Variants in PHLPP2 observed in about 807,000 individuals in gnomAD.
PHLPP2 encodes the protein PH domain leucine-rich repeat-containing protein phosphatase 2.
PHLPP2 carries 66 observed loss-of-function variants against 124.9 expected under a neutral mutation model. That is an observed-to-expected ratio of 0.53 (90% CI 0.43 to 0.65). The LOEUF (loss-of-function observed/expected upper bound fraction) is 0.65, where lower values mean the gene tolerates loss of function less well. Among genes scored for constraint, PHLPP2 ranks in the 30% least tolerant of loss-of-function variants. The pLI is 0.00. For missense variants in PHLPP2, 1,685 were observed against 1,600.4 expected (o/e 1.05, Z -0.90); for synonymous variants, 681 against 624.7 (o/e 1.09, Z -1.34).
At chr16:71,698,588 G>C in intron 3 of PHLPP2, 1 of 626,400 alleles carries the variant, frequency 1.6e-6, no homozygotes, top group South Asian at 1.4e-5. Context: ...AGGTCCCTTA[G>C]AGCAACCCAT....
chr16:71,645,050 A>C lies in PHLPP2; in HGVS notation c.*3840T>G. 3.6e-6 allele frequency: 1 copy of C among 275,200 alleles called. No homozygotes were observed. The highest frequency in any genetic ancestry group is 7.1e-6 in the Non-Finnish European group (1 of 140,246). 17.0% of individuals were successfully genotyped at this position (275,200 alleles called of 1,614,324 possible). On this transcript the variant is annotated 3_prime_UTR_variant, in exon 19 of 19. Coordinates refer to ENST00000568954, the MANE Select transcript of PHLPP2 (RefSeq NM_015020.3). ...ATTATTGAATTAAAAAATTTAACAC[A>C]TTTCAAAAATATCAAAAATACACTA...
At chr16:71,656,383 C>T (rs1474692581) in intron 16 of PHLPP2, among the ~76,000 whole-genome samples, 188 bp downstream of exon 16, 5 of 152,202 alleles carry the variant, frequency 3.3e-5, no homozygotes, top group Non-Finnish European at 7.3e-5. Context: ...CTGTTGACTA[C>T]ACATTAGTAT....
chr16:71,711,529 G>C (rs964748559), intron 2 of PHLPP2, among the ~76,000 whole-genome samples: 1 of 152,168 alleles, frequency 6.6e-6, no homozygotes, highest in African/African-American at 2.4e-5. Context: ...TCAAACTCCA[G>C]CTCTACCACT....
chr16:71,706,618 A>G (rs1373530754), intron 2 of PHLPP2, among the ~76,000 whole-genome samples: 1 of 152,204 alleles, frequency 6.6e-6, no homozygotes. Context: ...GGATACTTCA[A>G]CAAATGTTTA....
chr16:71,664,005 G>A lies in PHLPP2; in HGVS notation c.1879C>T (p.Leu627=). Residue 627 remains leucine (L), a synonymous_variant, in exon 13 of 19, where the codon CTG becomes TTG. Transcript: ENST00000568954. ...ESLSMLQLLY[L]TNNLLTDQCI... ...TGATCCGTCAGGAGATTGTTGGTCA[G>A]ATAAAGCAGCTGCAGCATACTCAAA... 6.2e-7 allele frequency: 1 copy of A among 1,613,914 alleles called. No homozygotes were observed. Among genetic ancestry groups the A allele is most frequent in the South Asian group, 1.1e-5 (1 of 91,072 alleles).
In PHLPP2 at chr16:71,682,846, T is replaced by C. The variant is rs111322432; in HGVS notation, c.736-941A>G. On this transcript the variant is annotated intron_variant, in intron 5 of 18. Transcript: ENST00000568954. ...GCTAATATAATATGGGTTATAAAAA[T>C]TGATCTAAAAAAAGAAACAATATAT... 3.5e-3 allele frequency among the ~76,000 whole-genome samples: 533 copies of C among 152,246 alleles called. 6 individuals are homozygous for C. Among genetic ancestry groups the C allele is most frequent in the African/African-American group, 0.012 (508 of 41,558 alleles).
intron 3 of PHLPP2, among the ~76,000 whole-genome samples, chr16:71,692,475 T>C (rs1185494302): frequency 1.3e-5 from 2 of 152,320 alleles, no homozygotes; most frequent in East Asian, 1.9e-4. Flanking sequence ...GTGTTTCCCA[T>C]ATACAATATG....
chr16:71,713,996 G>C (rs576399618), intron 2 of PHLPP2, among the ~76,000 whole-genome samples: 2 of 148,830 alleles, frequency 1.3e-5, no homozygotes, highest in Non-Finnish European at 3.0e-5. Context: ...CTGCAGTGCA[G>C]TGGCATGATC....
intron 4 of PHLPP2, among the ~76,000 whole-genome samples, chr16:71,687,713 C>T (rs542413228): frequency 7.9e-5 from 12 of 152,244 alleles, no homozygotes; most frequent in African/African-American, 2.9e-4. Context: ...ATCCTCTTAT[C>T]CCGAGTGTAT....
At position 71,701,064 on chromosome 16, in the gene PHLPP2, G is replaced by A. The variant is rs1183674898; in HGVS notation, c.418+1534C>T. On this transcript the variant is annotated intron_variant, in intron 3 of 18. Transcript: ENST00000568954. ...GGTGAGGAACTGAGGCCATGTGAGTGAACCGTGTTGAAAGTGAATCTTCCA... is the reference window on the plus strand; with the variant it reads ...GGTGAGGAACTGAGGCCATGTGAGTAAACCGTGTTGAAAGTGAATCTTCCA... Among the ~76,000 whole-genome samples the A allele has an allele frequency of 2.0e-5, 3 of 152,040 alleles. No homozygotes were observed. In the South Asian group the frequency reaches 6.2e-4, roughly 32 times the overall value.
At chr16:71,670,190 A>C (rs1236477832) in intron 10 of PHLPP2, among the ~76,000 whole-genome samples, 1 of 152,204 alleles carries the variant, frequency 6.6e-6, no homozygotes, top group African/African-American at 2.4e-5. Flanking sequence ...TGTATGGGGA[A>C]TAACAAGCAG....
chr16:71,708,408 T>G (rs2145376542), intron 2 of PHLPP2, among the ~76,000 whole-genome samples: 1 of 152,194 alleles, frequency 6.6e-6, no homozygotes, highest in East Asian at 1.9e-4. Context: ...CAAGAGCAGG[T>G]TGACTGTAAT....
At chr16:71,664,309 A>G (rs2044819820) in intron 12 of PHLPP2, 1 of 587,702 alleles carries the variant, frequency 1.7e-6, no homozygotes, top group Non-Finnish European at 3.0e-6. Context: ...TAGAGAGGAA[A>G]AAGTACAAGC....
rs2044971696 is a variant in PHLPP2, at chr16:71,678,890, T to C, written c.1133A>G (p.Asn378Ser). 3.1e-6 allele frequency: 5 copies of C among 1,612,434 alleles called. No individual in the cohort carries two copies. In the East Asian group the frequency reaches 8.9e-5, roughly 29 times the overall value. ...AACCTCAGGAATTTGACTAAAGTTG[T>C]TGAAGGAAATTCCCAAGGAGGAAAG... ...QQLSSLGISF[N>S]NFSQIPEVYE... is the part of the protein sequence containing the mutation. Residue 378 changes from asparagine to serine, a missense_variant, in exon 8 of 19, where the codon AAC (asparagine) becomes AGC (serine). By Grantham distance (46) the Asn-to-Ser change is conservative. Coordinates refer to ENST00000568954, the MANE Select transcript of PHLPP2 (RefSeq NM_015020.3).
At chr16:71,722,441 A>T (rs1450236058) in intron 1 of PHLPP2, among the ~76,000 whole-genome samples, 2 of 152,138 alleles carry the variant, frequency 1.3e-5, no homozygotes, top group South Asian at 4.1e-4. Flanking sequence ...AATAAATAAA[A>T]AGAAAAAAAA....
chr16:71,713,364 T>C (rs1029124178), intron 2 of PHLPP2, among the ~76,000 whole-genome samples: 4 of 152,230 alleles, frequency 2.6e-5, no homozygotes, highest in Non-Finnish European at 5.9e-5. Flanking sequence ...AAAATAGATA[T>C]ACTTTCATAT....
intron 2 of PHLPP2, among the ~76,000 whole-genome samples, chr16:71,706,890 T>C (rs2045277847): frequency 1.3e-5 from 2 of 151,920 alleles, no homozygotes; most frequent in South Asian, 4.1e-4. Context: ...AAAGCTATGT[T>C]TTAAAATTAC....
At chr16:71,679,559 G>T in intron 6 of PHLPP2, 24 bp from the exon 7 acceptor site, 1 of 1,606,318 alleles carries the variant, frequency 6.2e-7, no homozygotes, top group Non-Finnish European at 8.5e-7. Flanking sequence ...GCAAAAATGG[G>T]TATTGCATTT....
chr16:71,675,495 G>A (rs776242907), intron 9 of PHLPP2, among the ~76,000 whole-genome samples: 8 of 152,124 alleles, frequency 5.3e-5, no homozygotes, highest in Admixed American at 2.0e-4. Flanking sequence ...TTTAAACCAC[G>A]AATTGGCAAA....
Sources: gnomAD v4.1 joint callset for allele counts (sites outside exome capture counted in the v4.1 genomes callset) on GRCh38, gnomAD v4.1.1 for gene constraint, MANE v1.5 for transcripts, NCBI Gene and HGNC (gene_info 2026-07-23, HGNC 2026-07-21) for gene names.